The following LHX4 variants were observed in gnomAD, a reference collection of about 807,000 sequenced individuals.
LHX4 encodes LIM/homeobox protein Lhx4.
A neutral mutation model predicts 39.2 loss-of-function variants in LHX4; 16 were observed. The observed-to-expected ratio is 0.41, with a 90% CI of 0.28 to 0.62. LHX4 has a LOEUF of 0.62. Ranked by LOEUF, LHX4 falls within the 20% of genes least tolerant of loss-of-function variation. LHX4 has a pLI of 0.33. For missense variants in LHX4, 439 were observed against 511.9 expected, an observed-to-expected ratio of 0.86 and a Z score of 1.37; for synonymous variants, 206 against 198.1, an observed-to-expected ratio of 1.04 and a Z score of -0.33.
chr1:180,245,981 C>T (rs12135955), intron 1 of LHX4, among the ~76,000 whole-genome samples: 65,673 of 151,622 alleles, frequency 0.43, 14,561 homozygotes, highest in Non-Finnish European at 0.47. Context: ...ACTGCGTATT[C>T]CTCAAGGAGG....
chr1:180,264,008 G>A (rs1189698687), intron 2 of LHX4, among the ~76,000 whole-genome samples: 1 of 152,176 alleles, frequency 6.6e-6, no homozygotes, highest in East Asian at 1.9e-4. Context: ...CTGTTGCCCA[G>A]GCTGGAGTGC....
intron 2 of LHX4, 173 bp downstream of exon 2, chr1:180,248,629 C>T (rs1305489562): frequency 1.7e-5 from 12 of 717,586 alleles, no homozygotes; most frequent in Non-Finnish European, 2.9e-5. Flanking sequence ...CTTCTGATCA[C>T]TGGCCCATCA....
intron 1 of LHX4, among the ~76,000 whole-genome samples, chr1:180,239,163 A>G (rs774951996): frequency 1.3e-5 from 2 of 152,250 alleles, no homozygotes; most frequent in South Asian, 4.1e-4. Context: ...GGTGTGCCAC[A>G]GCTTGGTATA....
intron 2 of LHX4, among the ~76,000 whole-genome samples, chr1:180,259,479 C>T (rs1255753638): frequency 1.3e-5 from 2 of 151,670 alleles, no homozygotes; most frequent in East Asian, 3.9e-4. Flanking sequence ...GGGCTGGGGC[C>T]CCGGGTGTGC....
chr1:180,257,073 C>T (rs977108503), intron 2 of LHX4, among the ~76,000 whole-genome samples: 7 of 152,246 alleles, frequency 4.6e-5, no homozygotes, highest in Admixed American at 1.3e-4. Flanking sequence ...TCAGGTCCTG[C>T]ACGTCCCGTT....
At chr1:180,246,015 A>C (rs58638651) in intron 1 of LHX4, among the ~76,000 whole-genome samples, 97 of 152,302 alleles carry the variant, frequency 6.4e-4, no homozygotes, top group African/African-American at 2.3e-3. Context: ...TAGAAAAAAA[A>C]AAAAGAATCC....
chr1:180,229,441 C>T (rs1664107193), upstream of LHX4, among the ~76,000 whole-genome samples: 1 of 152,126 alleles, frequency 6.6e-6, no homozygotes. Flanking sequence ...GCCTGCGTCC[C>T]GCCACCTCCG....
Position 180,234,814 on chromosome 1 carries a change from G to A in LHX4, c.76+4209G>A, listed in dbSNP as rs1045743017. ...CTCGTGGAAAACCAGAGCTAGGCGG[G>A]GCTACGCAGGGCTGAGCAGGAGTGG... On this transcript the variant is annotated intron_variant, in intron 1 of 5. Transcript: ENST00000263726. The surrounding 1 kb of genome is among the most constrained non-coding windows in gnomAD (Gnocchi z 4.8). Among the ~76,000 whole-genome samples the A allele has an allele frequency of 3.9e-5, 6 of 152,244 alleles. No homozygotes were observed. Among genetic ancestry groups the A allele is most frequent in the African/African-American group, 1.4e-4 (6 of 41,470 alleles).
intron 1 of LHX4, among the ~76,000 whole-genome samples, chr1:180,245,239 C>A: frequency 6.6e-6 from 1 of 152,238 alleles, no homozygotes; most frequent in East Asian, 1.9e-4. Context: ...CCCTTCATAA[C>A]CCTCCTGACC....
intron 3 of LHX4, chr1:180,271,179 T>C (rs1648631912): frequency 6.2e-6 from 4 of 648,432 alleles, no homozygotes; most frequent in South Asian, 3.4e-5. Flanking sequence ...TCCTCACTTT[T>C]CAGTGGCTTG....
chr1:180,266,657 T>C lies in LHX4; in HGVS notation c.451+63T>C. On this transcript the variant is annotated intron_variant, in intron 3 of 5. Coordinates refer to ENST00000263726, the MANE Select transcript of LHX4 (RefSeq NM_033343.4). This position sits in a 1 kb window ranked among gnomAD's most constrained non-coding sequence, Gnocchi z 5.7. ...CTTTGTTTGGGCCACGCCCTCTGCC[T>C]GAGGTGCCCTTCTCATGGCGTCCCA... 1.3e-6 allele frequency: 2 copies of C among 1,511,376 alleles called. No individual in the cohort carries two copies. Among genetic ancestry groups the C allele is most frequent in the South Asian group, 2.3e-5 (2 of 85,584 alleles). 93.6% of individuals were successfully genotyped at this position (1,511,376 alleles called of 1,614,324 possible). A position where few individuals can be genotyped will look rare whatever the true frequency, so the allele number is the denominator to read the frequency against.
intron 1 of LHX4, among the ~76,000 whole-genome samples, chr1:180,231,501 G>A (rs1338752885): frequency 3.3e-5 from 5 of 151,208 alleles, no homozygotes; most frequent in African/African-American, 1.2e-4. Flanking sequence ...TCACTCCTGA[G>A]CGAGAGTCCC....
At position 180,278,661 on chromosome 1, in the gene LHX4, G is replaced by A. The variant is rs762319819; in HGVS notation, c.*4082G>A. ...ACTTTCCCACTTGAGGACTGTGTTC[G>A]GCCAAACAAGCAGGTTCAGGGCTGC... On this transcript the variant is annotated 3_prime_UTR_variant, in exon 6 of 6. Coordinates refer to ENST00000263726, the MANE Select transcript of LHX4 (RefSeq NM_033343.4). 1.3e-5 allele frequency: 2 copies of A among 151,020 alleles called. No homozygotes were observed. Among genetic ancestry groups the A allele is most frequent in the East Asian group, 2.0e-4 (1 of 5,108 alleles). 9.4% of individuals were successfully genotyped at this position (151,020 alleles called of 1,614,324 possible).
intron 3 of LHX4, chr1:180,270,845 G>C: frequency 5.2e-6 from 1 of 192,218 alleles, no homozygotes; most frequent in East Asian, 1.3e-4. Flanking sequence ...CTATAGTTTA[G>C]AAACCTGCTT....
intron 2 of LHX4, among the ~76,000 whole-genome samples, chr1:180,260,244 T>A (rs1648058586): frequency 6.6e-6 from 1 of 151,710 alleles, no homozygotes; most frequent in South Asian, 2.1e-4. Context: ...GCTGCCTTTA[T>A]TACCAGCGTC....
chr1:180,253,589 G>A (rs745591645), intron 2 of LHX4, among the ~76,000 whole-genome samples: 23 of 152,224 alleles, frequency 1.5e-4, no homozygotes, highest in South Asian at 8.3e-4. Flanking sequence ...CCTATCTTTC[G>A]TTAGCAGTTT....
At chr1:180,237,349 T>C (rs926885157) in intron 1 of LHX4, among the ~76,000 whole-genome samples, 4 of 152,128 alleles carry the variant, frequency 2.6e-5, no homozygotes, top group Admixed American at 1.3e-4. Flanking sequence ...GCTGGGCTCT[T>C]ATTGTCTGTG....
At chr1:180,257,457 A>G (rs1343872785) in intron 2 of LHX4, among the ~76,000 whole-genome samples, 1 of 152,202 alleles carries the variant, frequency 6.6e-6, no homozygotes, top group South Asian at 2.1e-4. Flanking sequence ...AGGCTCTAAG[A>G]TTCTCTGGTG....
chr1:180,258,665 G>A (rs906101161), intron 2 of LHX4, among the ~76,000 whole-genome samples: 8 of 152,222 alleles, frequency 5.3e-5, no homozygotes, highest in South Asian at 2.1e-4. Context: ...GAAGCTGGGC[G>A]TGGTAGTTCA....
Sources: allele counts gnomAD v4.1 joint callset (sites outside exome capture counted in the v4.1 genomes callset), GRCh38; gene constraint gnomAD v4.1.1; non-coding constraint Gnocchi (gnomAD v3.1); transcripts MANE v1.5; gene names NCBI Gene and HGNC (gene_info 2026-07-23, HGNC 2026-07-21).